PPP2R1B: variants seen among roughly 807,000 people sequenced by gnomAD.
PPP2R1B encodes protein phosphatase 2 scaffold subunit Abeta.
PPP2R1B carries 58 observed loss-of-function variants against 72.7 expected under a neutral mutation model. The ratio of observed to expected loss-of-function variants is 0.80; its 90% confidence interval spans 0.65 to 0.99. PPP2R1B has a LOEUF of 0.99. Among genes scored for constraint, PPP2R1B ranks in the 50% least tolerant of loss-of-function variants. PPP2R1B has a pLI of 0.00. For missense variants in PPP2R1B, 695 were observed against 733.6 expected (o/e 0.95, Z 0.61); for synonymous variants, 256 against 264.6 (o/e 0.97, Z 0.32).
intron 10 of PPP2R1B, 31 bp downstream of exon 10, chr11:111,752,128 C>A (rs782480156): frequency 6.4e-7 from 1 of 1,571,256 alleles, no homozygotes; most frequent in South Asian, 1.2e-5. Flanking sequence ...TCTGACACTA[C>A]CCTGCAGTTC....
At chr11:111,731,463 C>T (rs765727314) in intron 15 of PPP2R1B, among the ~76,000 whole-genome samples, 37 of 152,278 alleles carry the variant, frequency 2.4e-4, no homozygotes, top group Non-Finnish European at 4.1e-4. Flanking sequence ...CTGGAGGCAC[C>T]ATGTGCCAAG....
downstream of PPP2R1B, among the ~76,000 whole-genome samples, chr11:111,736,119 C>T (rs1300245283): frequency 6.6e-6 from 1 of 152,044 alleles, no homozygotes; most frequent in Non-Finnish European, 1.5e-5. Context: ...TCATGAGGGA[C>T]CAAAAAACAA....
chr11:111,688,434 A>G, the PPP2R1B span, among the ~76,000 whole-genome samples: 3 of 152,218 alleles, frequency 2.0e-5, no homozygotes, highest in Non-Finnish European at 4.4e-5. This position sits in a 1 kb window ranked among gnomAD's most constrained non-coding sequence, Gnocchi z 4.2. Context: ...TGGAAGAGGT[A>G]CATTTATCTG....
Position 111,765,300 on chromosome 11 carries a change from G to C in PPP2R1B, c.199C>G (p.Leu67Val). 1 of 1,609,584 alleles carries C rather than the reference G, an allele frequency of 6.2e-7. No homozygotes were observed. Among genetic ancestry groups the C allele is most frequent in the South Asian group, 1.1e-5 (1 of 90,930 alleles). The change falls in exon 2 of 15, where the codon CTT (leucine) becomes GTT (valine). Residue 67 changes from leucine to valine, a missense_variant. Physicochemically the swap from Leu to Val is conservative, Grantham distance 32 (BLOSUM62 1). Coordinates refer to ENST00000527614, the MANE Select transcript of PPP2R1B (RefSeq NM_002716.5). ...ERTRSELLPF[L>V]TDTIYDEDEV... ...TAAACAAAGATTCACATACCTGTAA[G>C]AAATGGCAACAATTCACTTCGGGTC... is the stretch of plus-strand genomic sequence containing the variant.
At chr11:111,694,924 C>A in the PPP2R1B span, among the ~76,000 whole-genome samples, 1 of 152,190 alleles carries the variant, frequency 6.6e-6, no homozygotes, top group South Asian at 2.1e-4. Context: ...TCAGCAGGAT[C>A]ACATTTCATC....
chr11:111,719,402 A>T, the PPP2R1B span, among the ~76,000 whole-genome samples: 1 of 150,830 alleles, frequency 6.6e-6, no homozygotes, highest in Non-Finnish European at 1.5e-5. Context: ...GTTAAAAAAA[A>T]AAAAACAACT....
downstream of PPP2R1B, among the ~76,000 whole-genome samples, chr11:111,733,984 C>T (rs1436483470): frequency 2.0e-5 from 3 of 152,192 alleles, no homozygotes; most frequent in South Asian, 2.1e-4. Flanking sequence ...ACAGAGGCCT[C>T]GGCCCCTGGC....
At chr11:111,720,723 A>G in the PPP2R1B span, 1 of 1,610,166 alleles carries the variant, frequency 6.2e-7, no homozygotes, top group Non-Finnish European at 8.5e-7. Flanking sequence ...AGTGAGCTTC[A>G]GAGAGGGCCG....
chr11:111,741,376 A>C lies in PPP2R1B; in HGVS notation c.*220T>G, dbSNP rs1440857781. On this transcript the variant is annotated 3_prime_UTR_variant, in exon 15 of 15. Transcript: ENST00000527614. ...ATCAAGTGTCAGGAATTGGTCAATA[A>C]GAACGGCTTAAATAATGATTTAACA... The C allele has an allele frequency of 7.3e-7, 1 of 1,378,070 alleles. No individual in the cohort carries two copies. Among genetic ancestry groups the C allele is most frequent in the East Asian group, 2.8e-5 (1 of 35,328 alleles). 85.4% of individuals were successfully genotyped at this position (1,378,070 alleles called of 1,614,324 possible). A position where few individuals can be genotyped will look rare whatever the true frequency, so the allele number is the denominator to read the frequency against.
intron 10 of PPP2R1B, among the ~76,000 whole-genome samples, chr11:111,751,615 T>A (rs1555047955): frequency 1.3e-5 from 2 of 152,202 alleles, no homozygotes; most frequent in African/African-American, 2.4e-5. Context: ...CCACTTCTGG[T>A]CCCAAACATG....
intron 13 of PPP2R1B, 76 bp from the exon 14 acceptor site, chr11:111,742,220 G>C: frequency 9.1e-7 from 1 of 1,103,168 alleles, no homozygotes; most frequent in Non-Finnish European, 1.3e-6. Context: ...TATGGTTAAT[G>C]GTAATTGTTA....
chr11:111,741,094 A>G lies in PPP2R1B; in HGVS notation c.*502T>C. ...CTAATGCAGACCATCATAATTCAGGAAAATGTGGCTTTCATTACGGTCAAA... is the reference window on the plus strand; with the variant it reads ...CTAATGCAGACCATCATAATTCAGGGAAATGTGGCTTTCATTACGGTCAAA... On this transcript the variant is annotated 3_prime_UTR_variant, in exon 15 of 15. Transcript: ENST00000527614. The G allele has an allele frequency of 4.0e-6, 4 of 987,716 alleles. No homozygotes were observed. The highest frequency in any genetic ancestry group is 3.6e-6 in the Non-Finnish European group (3 of 831,134). The allele number at this position is 987,716 out of a possible 1,614,324, so 61.2% of individuals were successfully genotyped here.
chr11:111,759,764 G>A (rs1388484722), intron 5 of PPP2R1B, 40 bp downstream of exon 5: 8 of 1,552,962 alleles, frequency 5.2e-6, no homozygotes, highest in African/African-American at 2.7e-5. Context: ...TAGAGGAAAG[G>A]AGCATATCTG....
chr11:111,760,003 C>A (rs1565475119), intron 4 of PPP2R1B, 52 bp from the exon 5 acceptor site: 3 of 1,569,386 alleles, frequency 1.9e-6, no homozygotes, highest in Non-Finnish European at 2.6e-6. Context: ...CTGAATAAAC[C>A]TGCCCCCCAT....
the PPP2R1B span, among the ~76,000 whole-genome samples, chr11:111,697,990 A>C: frequency 1.3e-5 from 2 of 152,186 alleles, no homozygotes; most frequent in Admixed American, 6.5e-5. Context: ...CAGCCTGGGC[A>C]ACAGAGCAAG....
chr11:111,721,959 G>C (rs779494406), downstream of PPP2R1B: 42 of 1,538,148 alleles, frequency 2.7e-5, 1 homozygote, highest in Middle Eastern at 1.0e-3. Flanking sequence ...TTCTCCTTGC[G>C]AGTCCACCTC....
intron 4 of PPP2R1B, 115 bp from the exon 5 acceptor site, chr11:111,760,066 T>C: frequency 1.7e-6 from 2 of 1,143,202 alleles, no homozygotes; most frequent in Non-Finnish European, 1.2e-6. Flanking sequence ...GTGACTAAGC[T>C]TCTACTTATA....
chr11:111,741,276 A>G lies in PPP2R1B; in HGVS notation c.*320T>C, dbSNP rs111303803. 7 of 1,159,296 alleles carry G rather than the reference A, an allele frequency of 6.0e-6. No individual in the cohort carries two copies. The highest frequency in any genetic ancestry group is 4.8e-5 in the African/African-American group (3 of 62,296). 71.8% of individuals were successfully genotyped at this position (1,159,296 alleles called of 1,614,324 possible). A position where few individuals can be genotyped will look rare whatever the true frequency, so the allele number is the denominator to read the frequency against. ...CACCCTTCCAGGCTTTGTCTGGAACATTATGTGGCTGGTGCCTGATTCCAC... is the reference window on the plus strand; with the variant it reads ...CACCCTTCCAGGCTTTGTCTGGAACGTTATGTGGCTGGTGCCTGATTCCAC... On this transcript the variant is annotated 3_prime_UTR_variant, in exon 15 of 15. Coordinates refer to ENST00000527614, the MANE Select transcript of PPP2R1B (RefSeq NM_002716.5).
chr11:111,754,468 A>G, intron 8 of PPP2R1B, 31 bp downstream of exon 8: 1 of 1,585,272 alleles, frequency 6.3e-7, no homozygotes, highest in Non-Finnish European at 8.5e-7. Context: ...TTCATATAAA[A>G]GAGAGTGAAA....
Sources: gnomAD v4.1 joint callset for allele counts (sites outside exome capture counted in the v4.1 genomes callset) on GRCh38, gnomAD v4.1.1 for gene constraint, Gnocchi (gnomAD v3.1) non-coding constraint, MANE v1.5 for transcripts, NCBI Gene and HGNC (gene_info 2026-07-23, HGNC 2026-07-21) for gene names.